The following ZNF251 variants were observed in gnomAD, a reference collection of about 807,000 sequenced individuals.
The protein encoded by ZNF251 is zinc finger protein 251.
A neutral mutation model predicts 13.5 loss-of-function variants in ZNF251; 14 were observed. The ratio of observed to expected loss-of-function variants is 1.04; its 90% CI spans 0.69 to 1.63. ZNF251 has a LOEUF of 1.63. Among genes scored for constraint, ZNF251 ranks in the 40% most tolerant of loss-of-function variants. The probability of loss-of-function intolerance (pLI) is 0.00; values close to 1 mark genes in which losing one functional copy is unlikely to be tolerated. For synonymous variants in ZNF251, 287 were observed against 295.2 expected (o/e 0.97, Z 0.28); for missense variants, 764 against 834.9 (o/e 0.92, Z 1.05).
intron 4 of ZNF251, among the ~76,000 whole-genome samples, chr8:144,740,803 G>C (rs879841739): frequency 7.6e-6 from 1 of 130,966 alleles, no homozygotes; most frequent in Non-Finnish European, 1.6e-5. Context: ...CGTGGTGGCA[G>C]GTGCCTGTAA....
chr8:144,745,224 G>A (rs372963181), intron 4 of ZNF251, among the ~76,000 whole-genome samples: 2 of 141,514 alleles, frequency 1.4e-5, no homozygotes, highest in East Asian at 2.5e-4. Flanking sequence ...TGGATGTTCA[G>A]TTATTCCAGC....
chr8:144,748,139 T>C (rs1464542408), intron 4 of ZNF251, among the ~76,000 whole-genome samples: 1 of 152,018 alleles, frequency 6.6e-6, no homozygotes, highest in Non-Finnish European at 1.5e-5. Flanking sequence ...AATGGTGCAA[T>C]CTTGGCTCAC....
intron 4 of ZNF251, among the ~76,000 whole-genome samples, chr8:144,748,425 T>C (rs541615436): frequency 1.3e-4 from 20 of 152,324 alleles, no homozygotes; most frequent in Non-Finnish European, 2.2e-4. Flanking sequence ...AGATCTGTTA[T>C]GTTTTGTGTC....
chr8:144,721,060 A>T lies in ZNF251; in HGVS notation c.*584T>A, dbSNP rs11676. ...CCCCTAAGGTCCCTCTCTCTGTTAAACTGTAGAGCTCCTTAGAACCAAAAC... is the reference window on the plus strand; with the variant it reads ...CCCCTAAGGTCCCTCTCTCTGTTAATCTGTAGAGCTCCTTAGAACCAAAAC... On this transcript the variant is annotated 3_prime_UTR_variant, in exon 5 of 5. Coordinates refer to ENST00000292562, the MANE Select transcript of ZNF251 (RefSeq NM_138367.2). 6.5e-6 allele frequency: 1 copy of T among 152,924 alleles called. No individual in the cohort carries two copies. The highest frequency in any genetic ancestry group is 1.5e-5 in the Non-Finnish European group (1 of 68,598). The allele number at this position is 152,924 out of a possible 1,614,324, so 9.5% of individuals were successfully genotyped here.
At chr8:144,751,662 A>T (rs1363641532) in intron 4 of ZNF251, among the ~76,000 whole-genome samples, 1 of 152,248 alleles carries the variant, frequency 6.6e-6, no homozygotes, top group Non-Finnish European at 1.5e-5. Context: ...AAAACAGAAG[A>T]GGTAAATGTA....
At chr8:144,746,392 A>G (rs1824431081) in intron 4 of ZNF251, among the ~76,000 whole-genome samples, 1 of 152,146 alleles carries the variant, frequency 6.6e-6, no homozygotes, top group African/African-American at 2.4e-5. Context: ...TTGATTTGCT[A>G]ATATTTTGTT....
In ZNF251 at chr8:144,734,107, C is replaced by T. The variant is rs1209019267; in HGVS notation, c.278-10725G>A. 3.9e-5 allele frequency among the ~76,000 whole-genome samples: 6 copies of T among 152,214 alleles called. No homozygotes were observed. Among genetic ancestry groups the T allele is most frequent in the Non-Finnish European group, 7.3e-5 (5 of 68,052 alleles). ...GTTTCCGAAATCCTGACCCAGGAGG[C>T]GCCCACTCAGACCACAGTCCCTCTG... On this transcript the variant is annotated intron_variant, in intron 4 of 4. Transcript: ENST00000292562. The surrounding 1 kb of genome is among the most constrained non-coding windows in gnomAD (Gnocchi z 4.4).
At chr8:144,736,274 G>A (rs559446206) in intron 4 of ZNF251, among the ~76,000 whole-genome samples, 5 of 152,206 alleles carry the variant, frequency 3.3e-5, no homozygotes, top group South Asian at 4.1e-4. Context: ...TGGTCCTCCA[G>A]GGACTATCCC....
Position 144,722,686 on chromosome 8 carries a change from TC to T in ZNF251, c.973del (p.Glu325AsnfsTer12), listed in dbSNP as rs1396769883. The T allele has an allele frequency of 6.2e-7, 1 of 1,614,142 alleles. No individual in the cohort carries two copies. The highest frequency in any genetic ancestry group is 1.7e-5 in the Admixed American group (1 of 60,028). On this transcript the variant is annotated frameshift_variant, in exon 5 of 5. Coordinates refer to ENST00000292562, the MANE Select transcript of ZNF251 (RefSeq NM_138367.2). LOFTEE classifies it low-confidence loss of function (END_TRUNC). This position sits in a 1 kb window ranked among gnomAD's most constrained non-coding sequence, Gnocchi z 4.8. Reference sequence around the variant, plus strand: ...GCTCTGGCTAAAGCCTCTTCCACATTCATTACACTTGTAGGGTTTCTCTCCT... The same window carrying T: ...GCTCTGGCTAAAGCCTCTTCCACATTATTACACTTGTAGGGTTTCTCTCCT... ...HTGEKPYKCN[E>X]CGRGFSQSPQ... is the part of the protein sequence containing the mutation.
At chr8:144,725,822 C>T (rs1218310205) in intron 4 of ZNF251, among the ~76,000 whole-genome samples, 1 of 151,920 alleles carries the variant, frequency 6.6e-6, no homozygotes, top group Non-Finnish European at 1.5e-5. Context: ...ATGTAAAATC[C>T]CTAAACAAAA....
At chr8:144,724,235 C>T (rs1241291164) in intron 4 of ZNF251, among the ~76,000 whole-genome samples, 1 of 145,278 alleles carries the variant, frequency 6.9e-6, no homozygotes, top group Non-Finnish European at 1.5e-5. Context: ...GCACTCCAGC[C>T]CGGGCAACAG....
chr8:144,744,582 T>C (rs1021620674), intron 4 of ZNF251, among the ~76,000 whole-genome samples: 5 of 152,190 alleles, frequency 3.3e-5, no homozygotes, highest in South Asian at 2.1e-4. Flanking sequence ...GATGAGGTCA[T>C]GAGGGTCGTC....
At position 144,723,218 on chromosome 8, in the gene ZNF251, C is replaced by T. The variant is rs754695009; in HGVS notation, c.442G>A (p.Gly148Arg). The T allele has an allele frequency of 6.2e-7, 1 of 1,613,552 alleles. No homozygotes were observed. The highest frequency in any genetic ancestry group is 1.3e-5 in the African/African-American group (1 of 75,012). ...GREGKLKERV[G>R]NSAGQSLNKP... ...TTCAAACTCTGCCCGGCAGAATTTC[C>T]CACGCGCTCTTTGAGTTTGCCCTCA... The change falls in exon 5 of 5, where the codon GGA becomes AGA. Residue 148 changes from glycine to arginine, a missense_variant. Gly to Arg is a moderately radical substitution (Grantham distance 125, BLOSUM62 -2). Coordinates refer to ENST00000292562, the MANE Select transcript of ZNF251 (RefSeq NM_138367.2).
intron 1 of ZNF251, 48 bp from the exon 2 acceptor site, chr8:144,754,851 G>T: frequency 6.7e-7 from 1 of 1,490,364 alleles, no homozygotes; most frequent in Non-Finnish European, 8.9e-7. Flanking sequence ...CAGGGGTGTG[G>T]AAGGATGGCC....
At chr8:144,745,731 T>C (rs762025628) in intron 4 of ZNF251, among the ~76,000 whole-genome samples, 1 of 152,060 alleles carries the variant, frequency 6.6e-6, no homozygotes, top group Non-Finnish European at 1.5e-5. Flanking sequence ...AATTTTTTTG[T>C]AGATATGGGG....
At chr8:144,755,070 G>A in intron 1 of ZNF251, 3 of 1,300,434 alleles carry the variant, frequency 2.3e-6, no homozygotes, top group South Asian at 1.8e-5. Flanking sequence ...CTGGAAATGG[G>A]GTGCAGGGCC....
chr8:144,737,570 T>G (rs1274062994), intron 4 of ZNF251, among the ~76,000 whole-genome samples: 1 of 151,670 alleles, frequency 6.6e-6, no homozygotes, highest in Non-Finnish European at 1.5e-5. Context: ...GGCTCACACC[T>G]GTAATCCCAG....
At chr8:144,733,948 T>A (rs745351280) in intron 4 of ZNF251, among the ~76,000 whole-genome samples, 7 of 152,232 alleles carry the variant, frequency 4.6e-5, no homozygotes, top group Non-Finnish European at 8.8e-5. Context: ...TCACCGCCAG[T>A]GGGGACAACT....
rs1285675745 is a variant in ZNF251 at position 144,734,115 on chromosome 8, C to CA, written c.278-10734dup. Reference sequence around the variant, plus strand: ...AATCCTGACCCAGGAGGCGCCCACTCAGACCACAGTCCCTCTGTTGGGACC... The same window carrying CA: ...AATCCTGACCCAGGAGGCGCCCACTCAAGACCACAGTCCCTCTGTTGGGACC... On this transcript the variant is annotated intron_variant, in intron 4 of 4. Transcript: ENST00000292562. This position sits in a 1 kb window ranked among gnomAD's most constrained non-coding sequence, Gnocchi z 4.4. Among the ~76,000 whole-genome samples, 1 of 152,220 alleles carries CA rather than the reference C, an allele frequency of 6.6e-6. No homozygotes were observed. The highest frequency in any genetic ancestry group is 1.5e-5 in the Non-Finnish European group (1 of 68,042).
Sources: gnomAD v4.1 joint callset for allele counts (sites outside exome capture counted in the v4.1 genomes callset) on GRCh38, gnomAD v4.1.1 for gene constraint, Gnocchi (gnomAD v3.1) non-coding constraint, MANE v1.5 for transcripts, NCBI Gene and HGNC (gene_info 2026-07-23, HGNC 2026-07-21) for gene names.